The following GPR39 variants were observed in gnomAD, a reference collection of about 807,000 sequenced individuals.
The protein encoded by GPR39 is G protein-coupled receptor 39, also known as zinc sensing receptor.
In GPR39, 23 loss-of-function variants were observed where a neutral mutation model predicts 18.4. The ratio of observed to expected loss-of-function variants is 1.25; its 90% CI spans 0.90 to 1.77. The LOEUF is 1.77. Among genes scored for constraint, GPR39 ranks in the 40% most tolerant of loss-of-function variants. GPR39 has a pLI of 0.00. For missense variants in GPR39, 647 were observed against 602.4 expected, an observed-to-expected ratio of 1.07 and a Z score of -0.78; for synonymous variants, 280 against 257.9, an observed-to-expected ratio of 1.09 and a Z score of -0.82.
At chr2:132,438,573 C>CTTTTTTTTTTTTTT (rs35614907) in intron 1 of GPR39, among the ~76,000 whole-genome samples, 3 of 97,764 alleles carry the variant, frequency 3.1e-5, no homozygotes, top group Non-Finnish European at 3.9e-5. Context: ...TGTCAGCAAG[C>CTTTTTTTTTTTTTT]TTTTTTTTTT....
At chr2:132,494,806 T>C (rs539349792) in intron 1 of GPR39, among the ~76,000 whole-genome samples, 1 of 149,224 alleles carries the variant, frequency 6.7e-6, no homozygotes, top group Admixed American at 6.6e-5. Flanking sequence ...TTGATGTTTG[T>C]TTTTCTTATC....
intron 1 of GPR39, among the ~76,000 whole-genome samples, chr2:132,427,332 A>T (rs1437415243): frequency 2.7e-5 from 4 of 147,740 alleles, no homozygotes; most frequent in Non-Finnish European, 1.5e-5. Context: ...CCTGGCTAAT[A>T]TATTTTTTTT....
At chr2:132,602,249 T>C (rs953189713) in intron 1 of GPR39, among the ~76,000 whole-genome samples, 9 of 152,114 alleles carry the variant, frequency 5.9e-5, no homozygotes, top group Admixed American at 5.9e-4. Context: ...TACAGCCAAC[T>C]GATTTTCAGC....
intron 1 of GPR39, among the ~76,000 whole-genome samples, chr2:132,574,678 C>T (rs572058950): frequency 5.3e-4 from 81 of 152,086 alleles, no homozygotes; most frequent in Non-Finnish European, 2.2e-4. Flanking sequence ...GAGGTTGCAG[C>T]GAGCCAAGAT....
At chr2:132,596,307 G>A (rs1680946318) in intron 1 of GPR39, among the ~76,000 whole-genome samples, 1 of 152,060 alleles carries the variant, frequency 6.6e-6, no homozygotes, top group Non-Finnish European at 1.5e-5. Context: ...AGTGGCCCAT[G>A]TCTAGGGGCT....
intron 1 of GPR39, among the ~76,000 whole-genome samples, chr2:132,438,643 A>G (rs940510073): frequency 2.2e-5 from 3 of 134,834 alleles, no homozygotes; most frequent in Admixed American, 8.6e-5. Context: ...CGACAGTACT[A>G]TGTGGTCCCA....
chr2:132,474,160 C>A (rs566150550), intron 1 of GPR39, among the ~76,000 whole-genome samples: 5 of 152,290 alleles, frequency 3.3e-5, no homozygotes, highest in Non-Finnish European at 7.4e-5. Flanking sequence ...AATGAAATTT[C>A]TGGGTTTTCT....
In GPR39 at chr2:132,563,336, G is replaced by A. The variant is rs531656224; in HGVS notation, c.857-81765G>A. On this transcript the variant is annotated intron_variant, in intron 1 of 1. Transcript: ENST00000329321. ...TGTAAAATTAGTATCCTGGCTGGGTGGGATGGCTTTTCCCTGAAATCCCAG... is the reference window on the plus strand; with the variant it reads ...TGTAAAATTAGTATCCTGGCTGGGTAGGATGGCTTTTCCCTGAAATCCCAG... 2.0e-5 allele frequency among the ~76,000 whole-genome samples: 3 copies of A among 152,282 alleles called. No individual in the cohort carries two copies. In the South Asian group the frequency reaches 6.2e-4, roughly 32 times the overall value.
At chr2:132,462,522 G>A (rs1448258039) in intron 1 of GPR39, among the ~76,000 whole-genome samples, 4 of 152,196 alleles carry the variant, frequency 2.6e-5, no homozygotes, top group South Asian at 2.1e-4. Context: ...AGATGTCAAG[G>A]CAGCACCTAA....
intron 1 of GPR39, among the ~76,000 whole-genome samples, chr2:132,537,479 T>C: frequency 6.6e-6 from 1 of 151,010 alleles, no homozygotes; most frequent in East Asian, 2.0e-4. Context: ...GACCTGACCT[T>C]TCTCTGTGGC....
Position 132,531,971 on chromosome 2 carries a change from C to T in GPR39, c.857-113130C>T, listed in dbSNP as rs553117734. Among the ~76,000 whole-genome samples the T allele has an allele frequency of 2.5e-3, 380 of 152,244 alleles. 2 individuals carry two copies. Among genetic ancestry groups the T allele is most frequent in the Non-Finnish European group, 4.6e-4 (31 of 68,024 alleles). ...AAGCAAGAGCAAACACATTCAAAAACTAGCAGAAGGCAAGAAGTAACTAAG... is the reference window on the plus strand; with the variant it reads ...AAGCAAGAGCAAACACATTCAAAAATTAGCAGAAGGCAAGAAGTAACTAAG... On this transcript the variant is annotated intron_variant, in intron 1 of 1. Coordinates refer to ENST00000329321, the MANE Select transcript of GPR39 (RefSeq NM_001508.3).
intron 1 of GPR39, among the ~76,000 whole-genome samples, chr2:132,576,488 A>G (rs543032406): frequency 2.7e-4 from 41 of 152,182 alleles, no homozygotes; most frequent in African/African-American, 8.4e-4. Flanking sequence ...CCCCATCTCT[A>G]CTAAAAATAT....
chr2:132,560,158 C>T (rs944279580), intron 1 of GPR39, among the ~76,000 whole-genome samples: 1 of 152,206 alleles, frequency 6.6e-6, no homozygotes, highest in African/African-American at 2.4e-5. Context: ...TCCAACCGCC[C>T]ACCTGCCATT....
chr2:132,629,561 A>T (rs1209954606), intron 1 of GPR39, among the ~76,000 whole-genome samples: 1 of 152,242 alleles, frequency 6.6e-6, no homozygotes, highest in Non-Finnish European at 1.5e-5. Context: ...TAGGGAAGTT[A>T]AACAACTAGA....
At chr2:132,542,467 C>A (rs3109132) in intron 1 of GPR39, among the ~76,000 whole-genome samples, 13,297 of 152,194 alleles carry the variant, frequency 0.087, 1,138 homozygotes, top group African/African-American at 0.22. Flanking sequence ...CAGTTAGTTT[C>A]TAAGGCCCCT....
intron 1 of GPR39, among the ~76,000 whole-genome samples, chr2:132,445,941 G>A (rs1056961846): frequency 6.6e-6 from 1 of 152,130 alleles, no homozygotes; most frequent in African/African-American, 2.4e-5. Context: ...TGGGCATTTC[G>A]TCAGTCACAG....
chr2:132,436,364 TGTGAAGTA>T (rs766754462), intron 1 of GPR39, among the ~76,000 whole-genome samples: 6 of 152,228 alleles, frequency 3.9e-5, no homozygotes, highest in African/African-American at 9.6e-5. Context: ...TGACTTTCAC[TGTGAAGTA>T]AACAGTTGAT....
intron 1 of GPR39, among the ~76,000 whole-genome samples, chr2:132,517,740 G>T (rs1349854023): frequency 1.3e-5 from 2 of 152,286 alleles, no homozygotes; most frequent in African/African-American, 2.4e-5. Context: ...ACCATTGAAA[G>T]AATTGGTAAA....
chr2:132,579,871 C>T (rs1680594471), intron 1 of GPR39, among the ~76,000 whole-genome samples: 1 of 151,910 alleles, frequency 6.6e-6, no homozygotes, highest in Admixed American at 6.5e-5. Context: ...CTCAGGGTTC[C>T]AAGAGGAAAA....
Sources: allele counts gnomAD v4.1 joint callset (sites outside exome capture counted in the v4.1 genomes callset), GRCh38; gene constraint gnomAD v4.1.1; transcripts MANE v1.5; gene names NCBI Gene and HGNC (gene_info 2026-07-23, HGNC 2026-07-21).